Variants in CAMKMT observed in about 807,000 individuals in gnomAD.
CAMKMT encodes the protein CaM KMT.
In CAMKMT, 53 loss-of-function variants were observed where a neutral mutation model predicts 48.0. That is an observed-to-expected ratio of 1.10 (90% CI 0.89 to 1.39). The LOEUF (loss-of-function observed/expected upper bound fraction) is 1.39, where lower values mean the gene tolerates loss of function less well. CAMKMT is among the 40% of genes most tolerant of loss of function. CAMKMT has a pLI of 0.00. For missense variants in CAMKMT, 428 were observed against 402.7 expected, an observed-to-expected ratio of 1.06 and a Z score of -0.54; for synonymous variants, 165 against 152.3, an observed-to-expected ratio of 1.08 and a Z score of -0.61.
At chr2:44,572,056 ATGT>A (rs1208418272) in intron 3 of CAMKMT, among the ~76,000 whole-genome samples, 2 of 152,148 alleles carry the variant, frequency 1.3e-5, no homozygotes, top group Non-Finnish European at 2.9e-5. Context: ...AAGTATATTT[ATGT>A]TGTTGTGCAA....
chr2:44,697,394 G>A (rs900590695), intron 3 of CAMKMT, among the ~76,000 whole-genome samples: 2 of 152,072 alleles, frequency 1.3e-5, no homozygotes, highest in South Asian at 2.1e-4. Context: ...CAAGCATAGA[G>A]GGCATTCAGT....
At chr2:44,421,498 C>T (rs1227965735) in intron 3 of CAMKMT, among the ~76,000 whole-genome samples, 1 of 151,934 alleles carries the variant, frequency 6.6e-6, no homozygotes, top group African/African-American at 2.4e-5. Flanking sequence ...CACTGAAACA[C>T]ATTAAAAGAT....
chr2:44,512,938 G>A (rs1670642806), intron 3 of CAMKMT, among the ~76,000 whole-genome samples: 1 of 152,168 alleles, frequency 6.6e-6, no homozygotes, highest in African/African-American at 2.4e-5. Context: ...GATGAAGCCA[G>A]TTCAGGAAAA....
chr2:44,771,385 C>G (rs1681102784), intron 10 of CAMKMT, among the ~76,000 whole-genome samples: 1 of 152,042 alleles, frequency 6.6e-6, no homozygotes, highest in South Asian at 2.1e-4. Flanking sequence ...AAAAAGTGTA[C>G]TTCATATGTG....
intron 3 of CAMKMT, among the ~76,000 whole-genome samples, chr2:44,559,197 A>G (rs973986422): frequency 6.6e-6 from 1 of 152,138 alleles, no homozygotes; most frequent in African/African-American, 2.4e-5. Context: ...AGGACACACT[A>G]TTTGCAGAAT....
At chr2:44,603,334 A>G (rs1206823148) in intron 3 of CAMKMT, among the ~76,000 whole-genome samples, 2 of 152,050 alleles carry the variant, frequency 1.3e-5, no homozygotes, top group African/African-American at 4.8e-5. Flanking sequence ...CAAGTGATCC[A>G]CCCACCTTGG....
At chr2:44,374,829 A>AT (rs930027605) in intron 2 of CAMKMT, among the ~76,000 whole-genome samples, 35 of 151,314 alleles carry the variant, frequency 2.3e-4, no homozygotes, top group Admixed American at 9.2e-4. Context: ...GGCTGCCAAG[A>AT]TTTTTTTTTT....
chr2:44,362,935 ATGCCTC>A (rs1219120646), intron 1 of CAMKMT, among the ~76,000 whole-genome samples: 1 of 152,170 alleles, frequency 6.6e-6, no homozygotes, highest in Non-Finnish European at 1.5e-5. Flanking sequence ...TAGCAGTGTT[ATGCCTC>A]TGCCTGAAGT....
intron 3 of CAMKMT, among the ~76,000 whole-genome samples, chr2:44,513,178 C>G (rs182890304): frequency 8.5e-5 from 13 of 152,112 alleles, no homozygotes; most frequent in Non-Finnish European, 1.9e-4. Context: ...TTCTGTGTGG[C>G]CTACTGCAGA....
intron 3 of CAMKMT, among the ~76,000 whole-genome samples, chr2:44,475,612 G>C (rs804877): frequency 0.76 from 116,097 of 151,810 alleles, 44,476 homozygotes; most frequent in South Asian, 0.88. Flanking sequence ...ACCGCGCCTG[G>C]CCTATAAGTA....
At chr2:44,654,449 T>C in intron 3 of CAMKMT, among the ~76,000 whole-genome samples, 1 of 152,182 alleles carries the variant, frequency 6.6e-6, no homozygotes, top group East Asian at 1.9e-4. Flanking sequence ...CTGTTAACAA[T>C]TAGTTGTATG....
chr2:44,735,028 AGC>A (rs1679281569), intron 7 of CAMKMT, among the ~76,000 whole-genome samples: 1 of 152,174 alleles, frequency 6.6e-6, no homozygotes, highest in African/African-American at 2.4e-5. Context: ...ATAAATTTGA[AGC>A]TCTGTTATTC....
chr2:44,415,021 G>T (rs1378091371), intron 3 of CAMKMT, among the ~76,000 whole-genome samples: 2 of 152,186 alleles, frequency 1.3e-5, no homozygotes, highest in African/African-American at 4.8e-5. Context: ...GGGCATGGCG[G>T]TGTGCCTGTA....
At chr2:44,395,072 A>T (rs1331886247) in intron 3 of CAMKMT, 1 of 424,118 alleles carries the variant, frequency 2.4e-6, no homozygotes, top group South Asian at 1.7e-5. Context: ...TTTTACTTGT[A>T]TTTAGGAAAC....
At chr2:44,483,294 T>C (rs547614864) in intron 3 of CAMKMT, among the ~76,000 whole-genome samples, 1 of 152,304 alleles carries the variant, frequency 6.6e-6, no homozygotes, top group East Asian at 1.9e-4. Flanking sequence ...AGAAAAACAA[T>C]GATGAGATCA....
At chr2:44,396,114 C>T (rs953917993) in intron 3 of CAMKMT, among the ~76,000 whole-genome samples, 1 of 151,766 alleles carries the variant, frequency 6.6e-6, no homozygotes, top group African/African-American at 2.4e-5. Flanking sequence ...TACTATATGC[C>T]AAAATAAATT....
intron 2 of CAMKMT, among the ~76,000 whole-genome samples, chr2:44,384,498 A>ATTTTTTTT (rs1680571955): frequency 2.9e-5 from 3 of 102,294 alleles, no homozygotes; most frequent in African/African-American, 1.3e-4. Flanking sequence ...TCAGCTATTT[A>ATTTTTTTT]TCTTTTTTTT....
intron 2 of CAMKMT, among the ~76,000 whole-genome samples, chr2:44,379,851 T>C (rs370464336): frequency 6.6e-6 from 1 of 152,080 alleles, no homozygotes; most frequent in Non-Finnish European, 1.5e-5. Flanking sequence ...TTGTCAGAGT[T>C]ATTTTTATAT....
At chr2:44,636,112 T>C (rs191397471) in intron 3 of CAMKMT, among the ~76,000 whole-genome samples, 66 of 152,322 alleles carry the variant, frequency 4.3e-4, no homozygotes, top group African/African-American at 1.6e-3. Context: ...AAATAAACTT[T>C]GGCAAATTAC....
Sources: gnomAD v4.1 joint callset for allele counts (sites outside exome capture counted in the v4.1 genomes callset) on GRCh38, gnomAD v4.1.1 for gene constraint, MANE v1.5 for transcripts, NCBI Gene and HGNC (gene_info 2026-07-23, HGNC 2026-07-21) for gene names.